Variants in SV2C observed in about 807,000 individuals in gnomAD.
The protein encoded by SV2C is solute carrier family 22 member B3.
In SV2C, 49 loss-of-function variants were observed where a neutral mutation model predicts 79.7. The observed-to-expected ratio is 0.61, with a 90% CI of 0.49 to 0.78. SV2C has a LOEUF of 0.78. Ranked by LOEUF, SV2C falls within the 30% of genes least tolerant of loss-of-function variation. The probability of loss-of-function intolerance (pLI) is 0.00; values close to 1 mark genes in which losing one functional copy is unlikely to be tolerated. For synonymous variants in SV2C, 334 were observed against 333.2 expected, an observed-to-expected ratio of 1.00 and a Z score of -0.03; for missense variants, 833 against 912.9, an observed-to-expected ratio of 0.91 and a Z score of 1.13.
chr5:75,890,249 G>T, the SV2C span, among the ~76,000 whole-genome samples: 1 of 152,092 alleles, frequency 6.6e-6, no homozygotes, highest in Admixed American at 6.6e-5. Flanking sequence ...TCAATGTTTT[G>T]CAAAGCAGGT....
At chr5:76,260,213 CTA>C in intron 4 of SV2C, among the ~76,000 whole-genome samples, 1 of 151,938 alleles carries the variant, frequency 6.6e-6, no homozygotes, top group African/African-American at 2.4e-5. Context: ...GCTTTTTTTC[CTA>C]TGTTTGTTGG....
chr5:76,038,568 G>C, the SV2C span, among the ~76,000 whole-genome samples: 1 of 152,140 alleles, frequency 6.6e-6, no homozygotes, highest in Non-Finnish European at 1.5e-5. Flanking sequence ...GGCAGATAAA[G>C]CTTCAGGCAC....
At chr5:75,868,444 G>C in the SV2C span, among the ~76,000 whole-genome samples, 5 of 152,168 alleles carry the variant, frequency 3.3e-5, no homozygotes, top group African/African-American at 9.7e-5. Flanking sequence ...GGTTGGAGGA[G>C]AGTGAGACTA....
At chr5:75,984,813 G>A in the SV2C span, among the ~76,000 whole-genome samples, 1 of 151,976 alleles carries the variant, frequency 6.6e-6, no homozygotes, top group Admixed American at 6.6e-5. Context: ...TTCTTCCCCA[G>A]GGAAGTCTTA....
At chr5:76,078,518 A>G (rs944785740), upstream of SV2C, 9 of 268,842 alleles carry the variant, frequency 3.3e-5, no homozygotes, top group Non-Finnish European at 5.0e-5. Context: ...ACAAGCAGGC[A>G]TTAAGGGCTT....
intron 4 of SV2C, among the ~76,000 whole-genome samples, chr5:76,251,200 A>T (rs1282340882): frequency 2.6e-5 from 4 of 152,124 alleles, no homozygotes; most frequent in Non-Finnish European, 5.9e-5. Flanking sequence ...CACGGCAGCC[A>T]TGTTTTCAGA....
chr5:76,131,716 T>A lies in SV2C; in HGVS notation c.-35T>A, dbSNP rs781517401. On this transcript the variant is annotated 5_prime_UTR_variant, in exon 2 of 13. Transcript: ENST00000502798. ...ACCACTGAAAGGAGGCTGTGAAAAT[T>A]TCCCATCTTCTCATTGGCCATCAGT... is the stretch of plus-strand genomic sequence containing the variant. 3.2e-6 allele frequency: 5 copies of A among 1,541,542 alleles called. No homozygotes were observed. The highest frequency in any genetic ancestry group is 3.5e-6 in the Non-Finnish European group (4 of 1,140,272).
At chr5:75,915,056 C>T in the SV2C span, among the ~76,000 whole-genome samples, 1 of 152,182 alleles carries the variant, frequency 6.6e-6, no homozygotes, top group Admixed American at 6.5e-5. Flanking sequence ...ATCACAAGAA[C>T]AGCATGGGAA....
chr5:76,059,211 T>C, the SV2C span, among the ~76,000 whole-genome samples: 20 of 152,104 alleles, frequency 1.3e-4, no homozygotes, highest in Non-Finnish European at 2.6e-4. Context: ...AGGGTGGTGA[T>C]TGCTGAAAGC....
At chr5:76,137,400 G>A (rs1274700488) in intron 2 of SV2C, among the ~76,000 whole-genome samples, 3 of 152,132 alleles carry the variant, frequency 2.0e-5, no homozygotes, top group African/African-American at 7.2e-5. Flanking sequence ...GGTAGTTGAG[G>A]ATGATAGCCA....
intron 2 of SV2C, among the ~76,000 whole-genome samples, chr5:76,188,493 C>A (rs1333722896): frequency 6.6e-6 from 1 of 152,140 alleles, no homozygotes. Context: ...AGAGCCCAGG[C>A]TCTTAACTAT....
the SV2C span, among the ~76,000 whole-genome samples, chr5:75,956,453 G>A: frequency 6.4e-3 from 965 of 150,584 alleles, 5 homozygotes; most frequent in African/African-American, 0.021. Context: ...GAGAGATGAC[G>A]AGTTAGTGGG....
intron 4 of SV2C, among the ~76,000 whole-genome samples, chr5:76,237,327 G>A (rs1215997990): frequency 6.6e-6 from 1 of 152,116 alleles, no homozygotes; most frequent in Non-Finnish European, 1.5e-5. Flanking sequence ...TTTTCTATGT[G>A]TGTTTCACAA....
At chr5:76,351,697 CCAGT>C (rs1366888303) in intron 12 of SV2C, among the ~76,000 whole-genome samples, 29 of 152,226 alleles carry the variant, frequency 1.9e-4, no homozygotes, top group South Asian at 1.0e-3. Flanking sequence ...GTCTTCTGTC[CCAGT>C]CAGTGTATCT....
At chr5:76,231,835 C>T (rs954022342) in intron 4 of SV2C, among the ~76,000 whole-genome samples, 6 of 146,316 alleles carry the variant, frequency 4.1e-5, no homozygotes, top group African/African-American at 1.7e-4. Context: ...TCCAGTCTAT[C>T]ACTGTTGGAC....
chr5:76,243,123 T>C (rs990083953), intron 4 of SV2C, among the ~76,000 whole-genome samples: 4 of 150,472 alleles, frequency 2.7e-5, no homozygotes, highest in Admixed American at 1.3e-4. Context: ...AGATGAGCCA[T>C]GTAAAGAGGT....
intron 2 of SV2C, among the ~76,000 whole-genome samples, chr5:76,165,479 A>T (rs1035635867): frequency 3.3e-5 from 5 of 152,096 alleles, no homozygotes; most frequent in African/African-American, 1.2e-4. Flanking sequence ...AAACTCCTTC[A>T]TGTTACTCCT....
intron 4 of SV2C, among the ~76,000 whole-genome samples, chr5:76,268,468 G>A (rs779289840): frequency 3.6e-4 from 55 of 152,238 alleles, no homozygotes; most frequent in Middle Eastern, 3.4e-3. Context: ...GGCCCGTCCC[G>A]CTGCATGGCT....
chr5:75,994,262 A>T, the SV2C span, among the ~76,000 whole-genome samples: 29 of 152,174 alleles, frequency 1.9e-4, no homozygotes, highest in African/African-American at 6.3e-4. Flanking sequence ...GAGATGGGAG[A>T]TGTAATTTTA....
Sources: allele counts gnomAD v4.1 joint callset (sites outside exome capture counted in the v4.1 genomes callset), GRCh38; gene constraint gnomAD v4.1.1; transcripts MANE v1.5; gene names NCBI Gene and HGNC (gene_info 2026-07-23, HGNC 2026-07-21).